The following NF1 variants were observed in gnomAD, a reference collection of about 807,000 sequenced individuals.
NF1 encodes the protein neurofibromin.
Under a neutral mutation model 325.7 loss-of-function variants are expected in NF1, and 122 were observed. The observed-to-expected ratio is 0.37, with a 90% confidence interval of 0.32 to 0.44. The LOEUF is 0.44. Ranked by LOEUF, NF1 falls within the 20% of genes least tolerant of loss-of-function variation. The pLI, the probability that NF1 is intolerant of heterozygous loss-of-function variation, is 1.00. For missense variants in NF1, 2,140 were observed against 3,415.4 expected, an observed-to-expected ratio of 0.63 and a Z score of 9.31; for synonymous variants, 1,091 against 1,186.0, an observed-to-expected ratio of 0.92 and a Z score of 1.65.
At chr17:31,130,097 T>C (rs1008477021) in intron 1 of NF1, among the ~76,000 whole-genome samples, 1 of 151,018 alleles carries the variant, frequency 6.6e-6, no homozygotes, top group Non-Finnish European at 1.5e-5. Flanking sequence ...TTTTTTTTTT[T>C]ATCCTATATG....
At chr17:31,225,367 C>A in intron 17 of NF1, 117 bp downstream of exon 17, 8 of 1,144,246 alleles carry the variant, frequency 7.0e-6, no homozygotes, top group Non-Finnish European at 1.0e-5. Context: ...TGCTTAGAAT[C>A]TAGTTCTATT....
At chr17:31,335,846 T>C (rs1019460061) in intron 40 of NF1, among the ~76,000 whole-genome samples, 1 of 132,800 alleles carries the variant, frequency 7.5e-6, no homozygotes, top group Non-Finnish European at 1.7e-5. Context: ...ACCTGGCTAA[T>C]TTTTGTATTT....
chr17:31,133,913 T>C (rs947198573), intron 1 of NF1, among the ~76,000 whole-genome samples: 1 of 152,262 alleles, frequency 6.6e-6, no homozygotes, highest in Non-Finnish European at 1.5e-5. Flanking sequence ...TGCCTCGGCC[T>C]CCCAAAATGT....
intron 36 of NF1, among the ~76,000 whole-genome samples, chr17:31,305,831 C>G (rs2068705193): frequency 6.6e-6 from 1 of 152,150 alleles, no homozygotes; most frequent in Admixed American, 6.5e-5. Flanking sequence ...TATACTCTAA[C>G]CCATCATACA....
At chr17:31,345,765 C>T in intron 48 of NF1, 2 of 1,610,044 alleles carry the variant, frequency 1.2e-6, no homozygotes, top group Non-Finnish European at 1.7e-6. Flanking sequence ...TAGGCGTGGC[C>T]AGCACTGGCT....
chr17:31,259,237 T>C (rs1057026451), intron 33 of NF1, 108 bp downstream of exon 33: 1 of 732,208 alleles, frequency 1.4e-6, no homozygotes, highest in Admixed American at 2.1e-5. Context: ...AGTTTTTTTC[T>C]TTTCCTGCTC....
intron 36 of NF1, among the ~76,000 whole-genome samples, chr17:31,316,273 A>C (rs1247471674): frequency 6.6e-6 from 1 of 152,146 alleles, no homozygotes; most frequent in Non-Finnish European, 1.5e-5. Flanking sequence ...ATGACTTTTA[A>C]ATTTTGAACT....
At chr17:31,349,032 TGTTA>T in intron 48 of NF1, 84 bp from the exon 49 acceptor site, 2 of 1,490,734 alleles carry the variant, frequency 1.3e-6, no homozygotes, top group Non-Finnish European at 9.1e-7. Context: ...CTTGCAGAGT[TGTTA>T]GTCAGGGAAG....
intron 1 of NF1, among the ~76,000 whole-genome samples, chr17:31,139,375 GAC>G (rs58863782): frequency 0.14 from 20,615 of 143,970 alleles, 2,455 homozygotes; most frequent in African/African-American, 0.34. Context: ...GTTTTACACA[GAC>G]ACACACACAC....
At chr17:31,227,407 A>G (rs2067034827) in intron 19 of NF1, 116 bp downstream of exon 19, 4 of 1,405,740 alleles carry the variant, frequency 2.8e-6, no homozygotes, top group East Asian at 2.3e-5. Context: ...ATACGTGCAT[A>G]TTACAAGTAT....
intron 8 of NF1, among the ~76,000 whole-genome samples, chr17:31,189,831 C>T (rs1456558652): frequency 6.7e-6 from 1 of 148,542 alleles, no homozygotes; most frequent in Admixed American, 6.7e-5. Flanking sequence ...GCACAATCTC[C>T]GCTTAGTGCA....
At chr17:31,342,450 T>C (rs2069849186) in intron 47 of NF1, among the ~76,000 whole-genome samples, 1 of 152,006 alleles carries the variant, frequency 6.6e-6, no homozygotes. Flanking sequence ...ATACAAAAAT[T>C]AGCCAGGGTG....
intron 43 of NF1, 34 bp from the exon 44 acceptor site, chr17:31,337,785 G>A (rs2069714961): frequency 2.5e-6 from 4 of 1,599,036 alleles, no homozygotes; most frequent in Non-Finnish European, 3.4e-6. Context: ...AAACATTTAT[G>A]TACAATATGT....
chr17:31,286,375 C>T (rs1464922855), intron 36 of NF1, among the ~76,000 whole-genome samples: 1 of 152,192 alleles, frequency 6.6e-6, no homozygotes, highest in Non-Finnish European at 1.5e-5. Context: ...AGGCGTGAGC[C>T]ACCACACCCA....
chr17:31,203,239 A>G (rs1438633400), intron 11 of NF1, among the ~76,000 whole-genome samples: 2 of 152,144 alleles, frequency 1.3e-5, no homozygotes, highest in African/African-American at 2.4e-5. Context: ...CTTCTACTCT[A>G]ATGAGCACTG....
intron 36 of NF1, among the ~76,000 whole-genome samples, chr17:31,306,945 T>A (rs745555206): frequency 6.6e-6 from 1 of 151,284 alleles, no homozygotes; most frequent in Non-Finnish European, 1.5e-5. Flanking sequence ...AGGCCAGGAG[T>A]TCAAGAACAG....
chr17:31,358,777 A>G (rs907159361), intron 55 of NF1, 155 bp downstream of exon 55: 39 of 1,159,994 alleles, frequency 3.4e-5, no homozygotes, highest in East Asian at 2.2e-4. Flanking sequence ...TGTATGTCCA[A>G]TGTAACTGGT....
intron 36 of NF1, among the ~76,000 whole-genome samples, chr17:31,325,229 T>C (rs2069311633): frequency 6.6e-6 from 1 of 152,218 alleles, no homozygotes; most frequent in Non-Finnish European, 1.5e-5. Flanking sequence ...CTCAGCTCCT[T>C]CTCTTCAGTC....
At chr17:31,317,401 A>ACC (rs2069050754) in intron 36 of NF1, among the ~76,000 whole-genome samples, 2 of 149,428 alleles carry the variant, frequency 1.3e-5, no homozygotes, top group South Asian at 2.1e-4. Flanking sequence ...ACACACACAC[A>ACC]CACCCCTAAT....
Sources: gnomAD v4.1 joint callset for allele counts (sites outside exome capture counted in the v4.1 genomes callset) on GRCh38, gnomAD v4.1.1 for gene constraint, MANE v1.5 for transcripts, NCBI Gene and HGNC (gene_info 2026-07-23, HGNC 2026-07-21) for gene names.